DGKB: variants seen among roughly 807,000 people sequenced by gnomAD.
The protein encoded by DGKB is diacylglycerol kinase beta, also known as 90 kDa diacylglycerol kinase.
A neutral mutation model predicts 114.3 loss-of-function variants in DGKB; 67 were observed. The observed-to-expected ratio is 0.59, with a 90% confidence interval of 0.48 to 0.72. DGKB has a LOEUF of 0.72. Among genes scored for constraint, DGKB ranks in the 30% least tolerant of loss-of-function variants. DGKB has a pLI of 0.00. For synonymous variants in DGKB, 398 were observed against 323.1 expected, an observed-to-expected ratio of 1.23 and a Z score of -2.49; for missense variants, 907 against 975.2, an observed-to-expected ratio of 0.93 and a Z score of 0.93.
intron 23 of DGKB, among the ~76,000 whole-genome samples, chr7:14,285,471 G>A (rs186152128): frequency 1.3e-5 from 2 of 152,260 alleles, no homozygotes; most frequent in African/African-American, 4.8e-5. Context: ...AAGTGCAGAA[G>A]TCTGAGTGAA....
chr7:14,653,032 T>C (rs1176237240), intron 13 of DGKB, among the ~76,000 whole-genome samples: 2 of 151,208 alleles, frequency 1.3e-5, no homozygotes, highest in Admixed American at 6.6e-5. Context: ...TGTGGAGAAA[T>C]AGGAACACTT....
At chr7:14,263,157 C>CTAGAT (rs1797013524) in intron 23 of DGKB, among the ~76,000 whole-genome samples, 3 of 152,214 alleles carry the variant, frequency 2.0e-5, no homozygotes, top group African/African-American at 7.2e-5. Flanking sequence ...GTAAATTCAA[C>CTAGAT]TAGATTAATT....
chr7:14,493,152 A>C (rs1325131913), intron 20 of DGKB, among the ~76,000 whole-genome samples: 1 of 152,038 alleles, frequency 6.6e-6, no homozygotes, highest in Non-Finnish European at 1.5e-5. Flanking sequence ...TTGAAAATGG[A>C]GTTTTATGTT....
chr7:14,184,058 C>T (rs973671652), intron 23 of DGKB, among the ~76,000 whole-genome samples: 1 of 152,104 alleles, frequency 6.6e-6, no homozygotes, highest in Non-Finnish European at 1.5e-5. Flanking sequence ...GAGAAGTTTC[C>T]GGCTTTACTT....
At chr7:14,607,989 T>C (rs1804836008) in intron 16 of DGKB, among the ~76,000 whole-genome samples, 1 of 152,066 alleles carries the variant, frequency 6.6e-6, no homozygotes, top group Non-Finnish European at 1.5e-5. Flanking sequence ...TGTGTACATG[T>C]AAGCAAAGAA....
chr7:14,443,846 A>AT (rs1180889747), intron 21 of DGKB, among the ~76,000 whole-genome samples: 4 of 151,964 alleles, frequency 2.6e-5, no homozygotes, highest in African/African-American at 9.7e-5. Context: ...ATTCAGCAAC[A>AT]TTTTTTATGC....
chr7:14,715,079 G>A (rs1029954019), intron 6 of DGKB, among the ~76,000 whole-genome samples: 1 of 152,090 alleles, frequency 6.6e-6, no homozygotes, highest in African/African-American at 2.4e-5. Flanking sequence ...ACTGAGTCCT[G>A]AGGAAGTTTT....
intron 21 of DGKB, among the ~76,000 whole-genome samples, chr7:14,437,593 A>G (rs1829468336): frequency 6.6e-6 from 1 of 151,994 alleles, no homozygotes; most frequent in Non-Finnish European, 1.5e-5. Context: ...TTTTGATTGC[A>G]TACCTCCTAA....
At chr7:14,916,345 C>T (rs1784238798) in intron 1 of DGKB, among the ~76,000 whole-genome samples, 4 of 151,858 alleles carry the variant, frequency 2.6e-5, no homozygotes, top group Admixed American at 2.6e-4. Flanking sequence ...ACACCAATCC[C>T]ATTATATAAA....
chr7:14,692,607 T>G (rs974031213), intron 9 of DGKB, among the ~76,000 whole-genome samples: 9 of 151,660 alleles, frequency 5.9e-5, no homozygotes, highest in African/African-American at 2.2e-4. Flanking sequence ...CTCAGTTATG[T>G]GTAGTATAAG....
At chr7:14,322,533 T>A (rs1052486538) in intron 23 of DGKB, among the ~76,000 whole-genome samples, 1 of 152,052 alleles carries the variant, frequency 6.6e-6, no homozygotes, top group Non-Finnish European at 1.5e-5. Context: ...TTCTCAAAAA[T>A]AATATAGCAG....
At chr7:14,961,329 G>A (rs986507094) in intron 1 of DGKB, among the ~76,000 whole-genome samples, 1 of 152,046 alleles carries the variant, frequency 6.6e-6, no homozygotes, top group African/African-American at 2.4e-5. Context: ...GACACACCCT[G>A]CTGATAACGC....
At chr7:14,596,440 G>A (rs1233468902) in intron 17 of DGKB, among the ~76,000 whole-genome samples, 2 of 152,056 alleles carry the variant, frequency 1.3e-5, no homozygotes, top group Non-Finnish European at 2.9e-5. Flanking sequence ...CATGTCTTCT[G>A]GCTCTTTAAA....
At chr7:14,333,933 T>A (rs1301092266) in intron 23 of DGKB, among the ~76,000 whole-genome samples, 1 of 152,220 alleles carries the variant, frequency 6.6e-6, no homozygotes, top group Non-Finnish European at 1.5e-5. Context: ...TCCAATTTCA[T>A]TGCTGGCTGC....
At chr7:14,170,646 G>A (rs961881535) in intron 25 of DGKB, among the ~76,000 whole-genome samples, 1 of 152,180 alleles carries the variant, frequency 6.6e-6, no homozygotes, top group Non-Finnish European at 1.5e-5. Context: ...TTTAGCAAGC[G>A]ATTAAAGAGT....
chr7:14,596,219 T>C (rs1802556614), intron 17 of DGKB, among the ~76,000 whole-genome samples: 1 of 152,170 alleles, frequency 6.6e-6, no homozygotes. Flanking sequence ...TCATCAATAA[T>C]AAAAATTTAA....
At chr7:14,399,973 T>C (rs1321180394) in intron 21 of DGKB, among the ~76,000 whole-genome samples, 1 of 151,880 alleles carries the variant, frequency 6.6e-6, no homozygotes, top group African/African-American at 2.4e-5. Context: ...ACCATAAATT[T>C]TGACGATAAG....
chr7:14,239,791 T>C (rs928626706), intron 23 of DGKB, among the ~76,000 whole-genome samples: 4 of 152,018 alleles, frequency 2.6e-5, no homozygotes, highest in African/African-American at 9.7e-5. Context: ...TTTTAGATTA[T>C]GTTAGCATAG....
At chr7:14,918,508 T>G (rs1445590340) in intron 1 of DGKB, among the ~76,000 whole-genome samples, 1 of 152,130 alleles carries the variant, frequency 6.6e-6, no homozygotes, top group Non-Finnish European at 1.5e-5. Context: ...CCATTTACTC[T>G]AAAATCAGTG....
Sources: allele counts gnomAD v4.1 joint callset (sites outside exome capture counted in the v4.1 genomes callset), GRCh38; gene constraint gnomAD v4.1.1; transcripts MANE v1.5; gene names NCBI Gene and HGNC (gene_info 2026-07-23, HGNC 2026-07-21).